Variants in UFL1 observed in about 807,000 individuals in gnomAD.
UFL1 encodes the protein UFM1 specific ligase 1.
A neutral mutation model predicts 99.3 loss-of-function variants in UFL1; 78 were observed. The observed-to-expected ratio is 0.79, with a 90% CI of 0.65 to 0.95. The LOEUF (loss-of-function observed/expected upper bound fraction) is 0.95. UFL1 is among the 40% of genes least tolerant of loss of function. The pLI, the probability that UFL1 is intolerant of heterozygous loss-of-function variation, is 0.00. For missense variants in UFL1, 936 were observed against 937.0 expected, an observed-to-expected ratio of 1.00 and a Z score of 0.01; for synonymous variants, 335 against 322.2, an observed-to-expected ratio of 1.04 and a Z score of -0.42.
At chr6:96,537,016 A>C (rs1342793269) in intron 8 of UFL1, among the ~76,000 whole-genome samples, 2 of 151,586 alleles carry the variant, frequency 1.3e-5, no homozygotes, top group Non-Finnish European at 3.0e-5. Context: ...TATATAGCTT[A>C]CTTAGTTTGA....
chr6:96,551,702 A>G (rs1230624506), intron 16 of UFL1, 136 bp from the exon 17 acceptor site: 11 of 741,964 alleles, frequency 1.5e-5, no homozygotes, highest in East Asian at 8.3e-5. Flanking sequence ...CTATATCACA[A>G]TTTCTAACTT....
intron 15 of UFL1, among the ~76,000 whole-genome samples, chr6:96,550,233 A>G (rs1392974297): frequency 1.3e-5 from 2 of 151,810 alleles, no homozygotes; most frequent in African/African-American, 4.8e-5. Context: ...CTTGCTATGT[A>G]ATGTAGAGAA....
intron 4 of UFL1, 104 bp from the exon 5 acceptor site, chr6:96,526,217 C>A: frequency 1.2e-6 from 1 of 865,020 alleles, no homozygotes; most frequent in Non-Finnish European, 1.8e-6. Context: ...CATTTCATTA[C>A]TTTTGGGGCA....
At position 96,552,491 on chromosome 6, in the gene UFL1, G is replaced by A; in HGVS notation, c.1995G>A (p.Leu665=). The change falls in exon 18 of 19, where the codon CTG becomes CTA. Residue 665 remains leucine (L), a synonymous_variant. Transcript: ENST00000369278. The part of the protein sequence containing the change: ...RGDKKRERQI[L]FQHRQALAEQ... ...TTTTTTTTTTTTTTAGACAGATACT[G>A]TTCCAACATCGACAAGCACTGGCTG... 6.4e-7 allele frequency: 1 copy of A among 1,568,660 alleles called. No individual in the cohort carries two copies. Among genetic ancestry groups the A allele is most frequent in the Non-Finnish European group, 8.6e-7 (1 of 1,165,760 alleles).
chr6:96,537,271 CATCTCT>C, intron 8 of UFL1, 97 bp from the exon 9 acceptor site: 1 of 939,554 alleles, frequency 1.1e-6, no homozygotes, highest in South Asian at 2.3e-5. Flanking sequence ...AGAAGGTAGA[CATCTCT>C]AATAACTTTA....
Position 96,524,392 on chromosome 6 carries a change from CATT to C in UFL1, c.235_237del (p.Ile79del), listed in dbSNP as rs1229235934. Reference sequence around the variant, plus strand: ...GTCTTTTCTTCAAAGGTCGAGTAAACATTGTTGATCTACAACAGGTAGGTTTTA... The same window carrying C: ...GTCTTTTCTTCAAAGGTCGAGTAAACGTTGATCTACAACAGGTAGGTTTTA... On this transcript the variant is annotated inframe_deletion, in exon 3 of 19. Coordinates refer to ENST00000369278, the MANE Select transcript of UFL1 (RefSeq NM_015323.5). 3.8e-6 allele frequency: 6 copies of C among 1,587,310 alleles called. No individual in the cohort carries two copies. The highest frequency in any genetic ancestry group is 4.3e-6 in the Non-Finnish European group (5 of 1,169,964).
intron 11 of UFL1, among the ~76,000 whole-genome samples, chr6:96,540,916 C>T (rs1582442585): frequency 1.3e-5 from 2 of 151,498 alleles, no homozygotes; most frequent in African/African-American, 4.8e-5. Flanking sequence ...CATCCTCTGT[C>T]TATGTTCCAG....
rs1196239720 is a variant in UFL1 at position 96,536,149 on chromosome 6, TTAAGAA to T, written c.656-90_656-85del. On this transcript the variant is annotated intron_variant, in intron 7 of 18. Transcript: ENST00000369278. ...CAACTTCAGATTGGTTTTTTAAAGG[TTAAGAA>T]TAAGTAAATTATGAAATAATAAAGT... 9 of 1,278,308 alleles carry T rather than the reference TTAAGAA, an allele frequency of 7.0e-6. No individual in the cohort carries two copies. In the African/African-American group the frequency reaches 1.1e-4, roughly 15 times the overall value. The allele number at this position is 1,278,308 out of a possible 1,614,324, so 79.2% of individuals were successfully genotyped here. A position where few individuals can be genotyped will look rare whatever the true frequency, so the allele number is the denominator to read the frequency against.
chr6:96,537,689 A>G (rs1461019089), intron 9 of UFL1, 140 bp downstream of exon 9: 2 of 780,738 alleles, frequency 2.6e-6, no homozygotes, highest in African/African-American at 3.7e-5. Context: ...AACAAAAATA[A>G]TCTTTATGCT....
At position 96,549,594 on chromosome 6, in the gene UFL1, G is replaced by A; in HGVS notation, c.1687+16G>A. On this transcript the variant is annotated intron_variant, in intron 14 of 18. Coordinates refer to ENST00000369278, the MANE Select transcript of UFL1 (RefSeq NM_015323.5). ...TTTTTTGCAGGTATACTTAATCTTTGTTAATCTTGTTTTTTCATTGATTTT... is the reference window on the plus strand; with the variant it reads ...TTTTTTGCAGGTATACTTAATCTTTATTAATCTTGTTTTTTCATTGATTTT... The A allele has an allele frequency of 1.3e-6, 2 of 1,594,496 alleles. No individual in the cohort carries two copies. The highest frequency in any genetic ancestry group is 1.7e-6 in the Non-Finnish European group (2 of 1,172,394).
rs546978372 is a variant in UFL1, at chr6:96,540,620, A to C, written c.1244A>C (p.Lys415Thr). ...STLESVSTSK[K>T]DKKDERRRKA... ...TTAGAAAGCGTTAGTACAAGTAAAAAGGATAAAAAAGATGAGCGAAGAAGG... is the reference window on the plus strand; with the variant it reads ...TTAGAAAGCGTTAGTACAAGTAAAACGGATAAAAAAGATGAGCGAAGAAGG... The change falls in exon 11 of 19, where the codon AAG (lysine) becomes ACG (threonine). Residue 415 changes from lysine to threonine, a missense_variant. Lys to Thr is a moderately conservative substitution (Grantham distance 78). Coordinates refer to ENST00000369278, the MANE Select transcript of UFL1 (RefSeq NM_015323.5). 4.4e-5 allele frequency: 70 copies of C among 1,602,706 alleles called. No homozygotes were observed. The South Asian group carries it at 7.6e-4, about 17-fold the overall frequency.
At chr6:96,526,862 C>T (rs1292144553) in intron 5 of UFL1, among the ~76,000 whole-genome samples, 1 of 152,176 alleles carries the variant, frequency 6.6e-6, no homozygotes, top group Non-Finnish European at 1.5e-5. Context: ...CTACTGGCTT[C>T]TTGTGAGTAA....
chr6:96,529,391 C>T (rs1025891291), intron 6 of UFL1, among the ~76,000 whole-genome samples: 4 of 152,162 alleles, frequency 2.6e-5, no homozygotes, highest in Non-Finnish European at 5.9e-5. Context: ...ACCTTCTCAA[C>T]AGTTGAAATC....
Position 96,521,811 on chromosome 6 carries a change from C to G in UFL1, c.-63C>G. On this transcript the variant is annotated 5_prime_UTR_variant, in exon 1 of 19. Transcript: ENST00000369278. ...CTGCGCGGCCCGTTCCGCCTCTCTT[C>G]TCCCACCGCCTGTCGGCTGACGTGT... 4 of 1,547,540 alleles carry G rather than the reference C, an allele frequency of 2.6e-6. No individual in the cohort carries two copies.
At chr6:96,533,799 CAAA>C (rs5878435) in intron 6 of UFL1, among the ~76,000 whole-genome samples, 24 of 113,728 alleles carry the variant, frequency 2.1e-4, no homozygotes, top group Non-Finnish European at 2.3e-4. Context: ...TACTCAAAAG[CAAA>C]AAAAAAAAAA....
chr6:96,551,745 T>A (rs989325388), intron 16 of UFL1, 93 bp from the exon 17 acceptor site: 63 of 896,874 alleles, frequency 7.0e-5, no homozygotes, highest in Non-Finnish European at 3.1e-5. Context: ...AAATTGTATT[T>A]GGGATGTAAA....
chr6:96,524,665 C>G (rs1769674107), intron 3 of UFL1, among the ~76,000 whole-genome samples: 1 of 152,002 alleles, frequency 6.6e-6, no homozygotes, highest in South Asian at 2.1e-4. Context: ...CCCTAGTTGG[C>G]TTTCTTATTC....
chr6:96,525,862 T>TA (rs1474456527), intron 4 of UFL1, among the ~76,000 whole-genome samples: 1 of 151,868 alleles, frequency 6.6e-6, no homozygotes, highest in East Asian at 1.9e-4. Context: ...AATTTCCACT[T>TA]AAAAAAATCC....
chr6:96,537,917 C>T (rs1479495177), intron 9 of UFL1, among the ~76,000 whole-genome samples: 1 of 151,864 alleles, frequency 6.6e-6, no homozygotes, highest in Non-Finnish European at 1.5e-5. Context: ...AATGTATTAA[C>T]ACAAGCTGCC....
Sources: gnomAD v4.1 joint callset for allele counts (sites outside exome capture counted in the v4.1 genomes callset) on GRCh38, gnomAD v4.1.1 for gene constraint, MANE v1.5 for transcripts, NCBI Gene and HGNC (gene_info 2026-07-23, HGNC 2026-07-21) for gene names.